Variants in SHANK2 observed in about 807,000 individuals in gnomAD.
SHANK2 encodes SH3 and multiple ankyrin repeat domains 2.
SHANK2 carries 43 observed loss-of-function variants against 133.7 expected under a neutral mutation model. That is an observed-to-expected ratio of 0.32 (90% CI 0.25 to 0.41). The LOEUF (loss-of-function observed/expected upper bound fraction) is 0.41. Ranked by LOEUF, SHANK2 falls within the 10% of genes least tolerant of loss-of-function variation. The pLI is 1.00. For synonymous variants in SHANK2, 1,017 were observed against 952.8 expected (o/e 1.07, Z -1.24); for missense variants, 1,994 against 2,235.8 (o/e 0.89, Z 2.18).
chr11:70,768,185 A>G (rs1947166906), intron 14 of SHANK2, among the ~76,000 whole-genome samples: 1 of 152,102 alleles, frequency 6.6e-6, no homozygotes. Flanking sequence ...TGCAGTGTAG[A>G]TGTGAGTTCC....
At chr11:71,058,722 G>A (rs1423151101) in intron 9 of SHANK2, among the ~76,000 whole-genome samples, 6 of 152,254 alleles carry the variant, frequency 3.9e-5, no homozygotes, top group Non-Finnish European at 7.3e-5. Context: ...GACAACAGGT[G>A]TGACCACCTG....
chr11:70,941,593 C>A (rs782495240), intron 10 of SHANK2, among the ~76,000 whole-genome samples: 7 of 152,068 alleles, frequency 4.6e-5, no homozygotes, highest in African/African-American at 7.2e-5. Context: ...TAGGTGAGGT[C>A]ATGAGGGTGG....
intron 17 of SHANK2, among the ~76,000 whole-genome samples, chr11:70,578,427 G>A (rs1394144589): frequency 6.6e-6 from 1 of 152,214 alleles, no homozygotes; most frequent in Non-Finnish European, 1.5e-5. Context: ...CAGAAGGCGA[G>A]GTCTCAGGGG....
At chr11:70,856,441 G>C (rs1555066825) in intron 11 of SHANK2, among the ~76,000 whole-genome samples, 1 of 151,782 alleles carries the variant, frequency 6.6e-6, no homozygotes, top group East Asian at 1.9e-4. Flanking sequence ...TAAATTAACA[G>C]ATGGATATTT....
intron 12 of SHANK2, among the ~76,000 whole-genome samples, chr11:70,818,652 T>C (rs190628095): frequency 3.2e-4 from 49 of 152,334 alleles, no homozygotes; most frequent in Admixed American, 3.2e-3. Flanking sequence ...CTTGGGGTCC[T>C]TCCAAGCAGG....
chr11:70,832,998 G>A (rs893036640), intron 11 of SHANK2, among the ~76,000 whole-genome samples: 12 of 152,320 alleles, frequency 7.9e-5, no homozygotes, highest in African/African-American at 2.9e-4. Flanking sequence ...CCTGGCCAGC[G>A]TCCTCAGCGT....
chr11:70,520,814 T>C (rs1554970873), intron 17 of SHANK2, among the ~76,000 whole-genome samples: 1 of 152,260 alleles, frequency 6.6e-6, no homozygotes, highest in African/African-American at 2.4e-5. Context: ...GATAACCAAA[T>C]GTGACTTTAT....
chr11:70,655,967 C>A (rs538251037), intron 17 of SHANK2, among the ~76,000 whole-genome samples: 1 of 152,126 alleles, frequency 6.6e-6, no homozygotes, highest in East Asian at 1.9e-4. Flanking sequence ...AGGTGACTGA[C>A]GCCCAGCCAG....
intron 17 of SHANK2, among the ~76,000 whole-genome samples, chr11:70,642,833 T>G (rs1555006849): frequency 6.6e-6 from 1 of 152,208 alleles, no homozygotes; most frequent in Admixed American, 6.5e-5. Flanking sequence ...CGTTTATTTC[T>G]AATTAGATAA....
At chr11:70,543,913 G>A (rs1375775393) in intron 17 of SHANK2, among the ~76,000 whole-genome samples, 1 of 152,194 alleles carries the variant, frequency 6.6e-6, no homozygotes, top group Non-Finnish European at 1.5e-5. Context: ...CGAGGGAACC[G>A]ATTGCTTGCT....
chr11:70,552,105 G>A (rs2059777811), intron 17 of SHANK2, among the ~76,000 whole-genome samples: 1 of 152,254 alleles, frequency 6.6e-6, no homozygotes, highest in South Asian at 2.1e-4. Context: ...CTGAGGTCAG[G>A]GTGATTCCCA....
intron 17 of SHANK2, among the ~76,000 whole-genome samples, chr11:70,610,801 A>C (rs1279969632): frequency 1.3e-5 from 2 of 152,302 alleles, no homozygotes; most frequent in East Asian, 1.9e-4. Flanking sequence ...TCTTTTAAGC[A>C]GCTCTCAGAG....
In SHANK2 at chr11:70,820,698, T is replaced by G. The variant is rs1360722992; in HGVS notation, c.1175-16A>C. 15 of 654,138 alleles carry G rather than the reference T, an allele frequency of 2.3e-5. No individual in the cohort carries two copies. The highest frequency in any genetic ancestry group is 2.2e-4 in the African/African-American group (12 of 55,798). The allele number at this position is 654,138 out of a possible 1,614,324, so 40.5% of individuals were successfully genotyped here. On this transcript the variant is annotated splice_polypyrimidine_tract_variant and intron_variant, in intron 11 of 25. Transcript: ENST00000601538. ...CGGAAGGGCACTGGGGAGAAGGACA[T>G]GGAGAGAGGCCGGTGAGTGCATCTG...
At chr11:70,501,815 TG>T in intron 20 of SHANK2, 107 bp downstream of exon 20, 1 of 1,156,356 alleles carries the variant, frequency 8.6e-7, no homozygotes, top group African/African-American at 1.5e-5. Flanking sequence ...CTGAGCCACG[TG>T]GGGAGCAGCT....
intron 10 of SHANK2, among the ~76,000 whole-genome samples, chr11:70,920,003 G>A (rs1391530460): frequency 1.3e-5 from 2 of 152,252 alleles, no homozygotes; most frequent in Middle Eastern, 6.8e-3. Context: ...CTGGCTTCTA[G>A]TCTCAAGTTC....
rs542219953 is a variant in SHANK2, at chr11:70,559,829, C to T, written c.2062-56898G>A. Among the ~76,000 whole-genome samples the T allele has an allele frequency of 1.3e-4, 20 of 152,014 alleles. No homozygotes were observed. In the East Asian group the frequency reaches 3.9e-3, roughly 29 times the overall value. On this transcript the variant is annotated intron_variant, in intron 17 of 25. Coordinates refer to ENST00000601538, the MANE Select transcript of SHANK2 (RefSeq NM_012309.5). ...CCCTCACACAAAACAGCCCTTTCCT[C>T]TTCCTGCCCCAGACCACCCATATTC... is the stretch of plus-strand genomic sequence containing the variant.
chr11:70,723,323 C>G (rs1946108353), intron 14 of SHANK2, among the ~76,000 whole-genome samples: 1 of 152,056 alleles, frequency 6.6e-6, no homozygotes, highest in Non-Finnish European at 1.5e-5. Flanking sequence ...CTCTCTCTCT[C>G]TCTCTCGCTG....
intron 3 of SHANK2, among the ~76,000 whole-genome samples, chr11:71,133,015 A>G (rs1952348685): frequency 6.6e-6 from 1 of 152,038 alleles, no homozygotes; most frequent in Admixed American, 6.6e-5. Context: ...CATGCCTTCT[A>G]CCTCCCCAAG....
rs567559274 is a variant in SHANK2, at chr11:70,747,817, C to T, written c.1778-49054G>A. 1.8e-4 allele frequency among the ~76,000 whole-genome samples: 27 copies of T among 152,318 alleles called. No homozygotes were observed. The South Asian group carries it at 2.7e-3, about 15-fold the overall frequency. ...CAGTGTGCATGTTTGTGAGTGTCCA[C>T]GTGTGCATGCATGCTGCACGGTGCA... On this transcript the variant is annotated intron_variant, in intron 14 of 25. Transcript: ENST00000601538.
Sources: gnomAD v4.1 joint callset for allele counts (sites outside exome capture counted in the v4.1 genomes callset) on GRCh38, gnomAD v4.1.1 for gene constraint, MANE v1.5 for transcripts, NCBI Gene and HGNC (gene_info 2026-07-23, HGNC 2026-07-21) for gene names.